The following MEF2A variants were observed in gnomAD, a reference collection of about 807,000 sequenced individuals.
MEF2A encodes myocyte-specific enhancer factor 2A.
MEF2A carries 28 observed loss-of-function variants against 55.8 expected under a neutral mutation model. That is an observed-to-expected ratio of 0.50 (90% CI 0.37 to 0.69). The LOEUF (loss-of-function observed/expected upper bound fraction) is 0.69, where lower values mean the gene tolerates loss of function less well. Among genes scored for constraint, MEF2A ranks in the 30% least tolerant of loss-of-function variants. MEF2A has a pLI of 0.00. For synonymous variants in MEF2A, 239 were observed against 227.1 expected, an observed-to-expected ratio of 1.05 and a Z score of -0.47; for missense variants, 528 against 626.2, an observed-to-expected ratio of 0.84 and a Z score of 1.67.
intron 4 of MEF2A, among the ~76,000 whole-genome samples, chr15:99,662,185 A>AG (rs2048765646): frequency 6.6e-6 from 1 of 152,084 alleles, no homozygotes; most frequent in Admixed American, 6.6e-5. Context: ...TATGGGATGA[A>AG]GGGAGATAGG....
At chr15:99,700,957 T>G (rs1394161444) in intron 8 of MEF2A, among the ~76,000 whole-genome samples, 1 of 152,056 alleles carries the variant, frequency 6.6e-6, no homozygotes, top group African/African-American at 2.4e-5. Context: ...AATAACTAAT[T>G]AATAAATGTA....
intron 1 of MEF2A, chr15:99,566,399 C>G (rs1200276254): frequency 7.4e-6 from 1 of 134,418 alleles, no homozygotes; most frequent in Non-Finnish European, 1.6e-5. Context: ...AGGAGCTAGG[C>G]GCCCGGGGAG....
intron 1 of MEF2A, among the ~76,000 whole-genome samples, chr15:99,595,372 T>A (rs1970801467): frequency 6.6e-6 from 1 of 152,090 alleles, no homozygotes; most frequent in African/African-American, 2.4e-5. Context: ...CCTGCTTAAT[T>A]TTTTTTTCTC....
At chr15:99,586,100 T>A (rs1409319009) in intron 1 of MEF2A, among the ~76,000 whole-genome samples, 3 of 152,200 alleles carry the variant, frequency 2.0e-5, no homozygotes, top group Non-Finnish European at 4.4e-5. Context: ...TTCATGGACT[T>A]TTGGTAGTAT....
intron 4 of MEF2A, among the ~76,000 whole-genome samples, chr15:99,660,649 A>T (rs77012793): frequency 1.6e-4 from 24 of 152,310 alleles, no homozygotes; most frequent in African/African-American, 4.8e-4. Flanking sequence ...ATAAACTTTC[A>T]TTGTGTTAAG....
intron 4 of MEF2A, among the ~76,000 whole-genome samples, chr15:99,659,111 T>G (rs2048212740): frequency 6.6e-6 from 1 of 152,144 alleles, no homozygotes; most frequent in Non-Finnish European, 1.5e-5. Flanking sequence ...AAGATAGACT[T>G]TCTTGTCTGT....
intron 8 of MEF2A, among the ~76,000 whole-genome samples, chr15:99,702,480 T>C (rs2057521751): frequency 6.8e-6 from 1 of 147,002 alleles, no homozygotes; most frequent in Non-Finnish European, 1.5e-5. Context: ...CAGGCTGGAG[T>C]GCAGTGGCGT....
intron 3 of MEF2A, among the ~76,000 whole-genome samples, chr15:99,635,563 C>T (rs911587541): frequency 6.6e-6 from 1 of 152,148 alleles, no homozygotes; most frequent in African/African-American, 2.4e-5. Context: ...TATCCCAGAG[C>T]ACCACCCGAG....
chr15:99,612,581 T>A (rs891248791), intron 2 of MEF2A, among the ~76,000 whole-genome samples: 2 of 152,104 alleles, frequency 1.3e-5, no homozygotes, highest in Non-Finnish European at 2.9e-5. Flanking sequence ...AAACTTTTTT[T>A]AAAAATTAGC....
chr15:99,605,312 A>G (rs1181895132), intron 2 of MEF2A, among the ~76,000 whole-genome samples: 2 of 152,180 alleles, frequency 1.3e-5, no homozygotes, highest in South Asian at 2.1e-4. Context: ...TAATTTACCT[A>G]TTTTAAGGAC....
At chr15:99,595,960 C>T (rs1003911441) in intron 1 of MEF2A, among the ~76,000 whole-genome samples, 5 of 151,712 alleles carry the variant, frequency 3.3e-5, no homozygotes, top group African/African-American at 4.8e-5. Flanking sequence ...GTGGAAGCAA[C>T]GGGATTTGAA....
intron 2 of MEF2A, among the ~76,000 whole-genome samples, chr15:99,605,441 C>T (rs770662858): frequency 6.6e-6 from 1 of 152,162 alleles, no homozygotes; most frequent in Non-Finnish European, 1.5e-5. Context: ...AATTATTCTG[C>T]CTATCACAAC....
chr15:99,643,452 G>A (rs183044405), intron 3 of MEF2A, among the ~76,000 whole-genome samples: 150 of 152,238 alleles, frequency 9.9e-4, no homozygotes, highest in African/African-American at 3.3e-3. Flanking sequence ...ATAAGTGATA[G>A]TATTTTTCAT....
chr15:99,680,413 G>C (rs898993455), intron 7 of MEF2A, among the ~76,000 whole-genome samples: 2 of 152,138 alleles, frequency 1.3e-5, no homozygotes, highest in Non-Finnish European at 2.9e-5. Flanking sequence ...GATATTCAGT[G>C]CTAATGAAGG....
intron 2 of MEF2A, among the ~76,000 whole-genome samples, chr15:99,609,718 T>C (rs936467350): frequency 6.6e-6 from 1 of 152,154 alleles, no homozygotes; most frequent in Non-Finnish European, 1.5e-5. Flanking sequence ...AGAAAAATTA[T>C]CTTATATTAA....
At chr15:99,658,372 A>T (rs765483060) in intron 4 of MEF2A, among the ~76,000 whole-genome samples, 16 of 152,216 alleles carry the variant, frequency 1.1e-4, no homozygotes, top group Non-Finnish European at 2.2e-4. Context: ...AGAAGAAATT[A>T]TCTAGAATTC....
chr15:99,711,442 C>A (rs965343489), intron 11 of MEF2A, among the ~76,000 whole-genome samples: 5 of 152,154 alleles, frequency 3.3e-5, no homozygotes. Flanking sequence ...CCAGATGAGG[C>A]CAGACATCCC....
chr15:99,602,372 C>T (rs964739731), intron 2 of MEF2A, among the ~76,000 whole-genome samples: 2 of 152,026 alleles, frequency 1.3e-5, no homozygotes, highest in African/African-American at 4.8e-5. Context: ...TTACTGAAGT[C>T]GTATGTATGC....
At chr15:99,623,551 TG>T (rs1051107243) in intron 2 of MEF2A, among the ~76,000 whole-genome samples, 1 of 152,212 alleles carries the variant, frequency 6.6e-6, no homozygotes. Flanking sequence ...TCCACACCCA[TG>T]CTAGTGCTTG....
Sources: allele counts gnomAD v4.1 joint callset (sites outside exome capture counted in the v4.1 genomes callset), GRCh38; gene constraint gnomAD v4.1.1; transcripts MANE v1.5; gene names NCBI Gene and HGNC (gene_info 2026-07-23, HGNC 2026-07-21).